CUX1: variants seen among roughly 807,000 people sequenced by gnomAD.
CUX1 encodes the protein protein CASP.
A neutral mutation model predicts 158.8 loss-of-function variants in CUX1; 31 were observed. The observed-to-expected ratio is 0.20, with a 90% CI of 0.15 to 0.26. The LOEUF is 0.26. Among genes scored for constraint, CUX1 ranks in the 10% least tolerant of loss-of-function variants. The pLI, the probability that CUX1 is intolerant of heterozygous loss-of-function variation, is 1.00. For synonymous variants in CUX1, 879 were observed against 862.1 expected (o/e 1.02, Z -0.34); for missense variants, 1,589 against 2,014.6 (o/e 0.79, Z 4.04).
intron 14 of CUX1, among the ~76,000 whole-genome samples, chr7:102,267,606 TC>T: frequency 6.6e-6 from 1 of 152,264 alleles, no homozygotes; most frequent in South Asian, 2.1e-4. Context: ...ACCGCTGGCC[TC>T]GCTATGATAA....
At chr7:102,085,402 G>A (rs1026186383) in intron 4 of CUX1, among the ~76,000 whole-genome samples, 3 of 152,142 alleles carry the variant, frequency 2.0e-5, no homozygotes, top group Admixed American at 6.5e-5. Flanking sequence ...CCCACATGTC[G>A]TGGGAGGGAC....
intron 1 of CUX1, among the ~76,000 whole-genome samples, chr7:101,897,139 A>G (rs1269557516): frequency 6.6e-6 from 1 of 152,226 alleles, no homozygotes; most frequent in Non-Finnish European, 1.5e-5. Flanking sequence ...CGAAGCAGGA[A>G]GTGTGTTTCA....
intron 2 of CUX1, among the ~76,000 whole-genome samples, chr7:101,936,350 G>T (rs568417566): frequency 2.6e-5 from 4 of 152,142 alleles, no homozygotes; most frequent in African/African-American, 7.2e-5. Context: ...TGTGACGGGG[G>T]TGGGGAGAAA....
chr7:102,092,935 AAGAAAG>A (rs1563230521), intron 4 of CUX1, among the ~76,000 whole-genome samples: 3 of 68,168 alleles, frequency 4.4e-5, no homozygotes, highest in African/African-American at 1.6e-4. Context: ...AAAAAAAAGA[AAGAAAG>A]AAAAGAAAAA....
At chr7:102,117,809 A>G (rs1831592898) in intron 8 of CUX1, among the ~76,000 whole-genome samples, 1 of 152,192 alleles carries the variant, frequency 6.6e-6, no homozygotes, top group Non-Finnish European at 1.5e-5. Context: ...TGTCTTGGGG[A>G]GGACCTGCCA....
Position 101,887,842 on chromosome 7 carries a change from C to CCTTTTTTTTTTTTTTTTTT in CUX1, c.31-28273_31-28272insCTTTTTTTTTTTTTTTTTT, listed in dbSNP as rs1562966470. On this transcript the variant is annotated intron_variant, in intron 1 of 23. Coordinates refer to ENST00000292535, the MANE Select transcript of CUX1 (RefSeq NM_181552.4). ...CCACTGGATCTGGTGATGACGGTGACATTTTTTTTTTTTTTTTTTTTTGTT... is the reference window on the plus strand; with the variant it reads ...CCACTGGATCTGGTGATGACGGTGACCTTTTTTTTTTTTTTTTTTATTTTTTTTTTTTTTTTTTTTTGTT... Among the ~76,000 whole-genome samples the CCTTTTTTTTTTTTTTTTTT allele has an allele frequency of 9.6e-5, 13 of 135,038 alleles. 1 individual carries two copies. Among genetic ancestry groups the CCTTTTTTTTTTTTTTTTTT allele is most frequent in the South Asian group, 2.4e-4 (1 of 4,184 alleles). 88.6% of individuals were successfully genotyped at this position (135,038 alleles called of 152,430 possible).
chr7:102,171,935 G>A lies in CUX1; in HGVS notation c.828+1385G>A, dbSNP rs150319411. On this transcript the variant is annotated intron_variant, in intron 10 of 23. Coordinates refer to ENST00000292535, the MANE Select transcript of CUX1 (RefSeq NM_181552.4). The stretch of plus-strand genomic sequence containing the variant: ...ACAGTGACTCCGTCAAGCCCTTGCC[G>A]TATGCTAGGGCTTGTAGTGGACACC... 2.3e-3 allele frequency among the ~76,000 whole-genome samples: 349 copies of A among 152,344 alleles called. 1 individual carries two copies. Among genetic ancestry groups the A allele is most frequent in the Non-Finnish European group, 4.1e-3 (281 of 68,030 alleles).
At chr7:102,178,927 C>T (rs1379688174) in intron 11 of CUX1, among the ~76,000 whole-genome samples, 1 of 152,198 alleles carries the variant, frequency 6.6e-6, no homozygotes, top group African/African-American at 2.4e-5. Context: ...CACGGTGGTG[C>T]AATCTCGGCT....
intron 8 of CUX1, among the ~76,000 whole-genome samples, chr7:102,140,353 C>A (rs1318399696): frequency 6.6e-6 from 1 of 152,142 alleles, no homozygotes; most frequent in Non-Finnish European, 1.5e-5. Context: ...TCAAGCAATT[C>A]TCCTGCCTCA....
At chr7:102,027,848 T>A (rs1189216011) in intron 2 of CUX1, among the ~76,000 whole-genome samples, 1 of 152,196 alleles carries the variant, frequency 6.6e-6, no homozygotes, top group East Asian at 1.9e-4. Flanking sequence ...GTCAACAGAA[T>A]GAGACTCTGT....
At chr7:101,856,406 T>C (rs1012112595) in intron 1 of CUX1, among the ~76,000 whole-genome samples, 9 of 152,276 alleles carry the variant, frequency 5.9e-5, no homozygotes, top group South Asian at 4.1e-4. Flanking sequence ...TCCAAGTTAG[T>C]GTTTTCCATT....
intron 13 of CUX1, 161 bp downstream of exon 13, chr7:102,194,051 CT>C (rs74812169): frequency 0.067 from 34,233 of 514,706 alleles, no homozygotes; most frequent in South Asian, 0.095. Context: ...AGCAAATTAT[CT>C]TTTTTTTTTT....
intron 1 of CUX1, among the ~76,000 whole-genome samples, chr7:101,858,383 T>C (rs538325029): frequency 6.6e-6 from 1 of 152,278 alleles, no homozygotes; most frequent in South Asian, 2.1e-4. Context: ...AGCTCACATG[T>C]CCCCTTCTCA....
At chr7:102,235,804 A>G (rs1443461672) in intron 22 of CUX1, among the ~76,000 whole-genome samples, 1 of 119,726 alleles carries the variant, frequency 8.4e-6, no homozygotes, top group South Asian at 3.1e-4. Context: ...ACACACGCGC[A>G]CACAACATCT....
At chr7:101,941,942 C>T (rs1011107506) in intron 2 of CUX1, among the ~76,000 whole-genome samples, 1 of 152,152 alleles carries the variant, frequency 6.6e-6, no homozygotes, top group Non-Finnish European at 1.5e-5. Context: ...CCCTCCCCCT[C>T]TCTCTGTCCC....
Position 101,927,862 on chromosome 7 carries a change from C to T in CUX1, c.141+11637C>T, listed in dbSNP as rs575944854. ...TCACTGGAAGTGGTCAGAGCTGTTGCGGGGCTTGGCCCAGGGGCGGCGGGT... is the reference window on the plus strand; with the variant it reads ...TCACTGGAAGTGGTCAGAGCTGTTGTGGGGCTTGGCCCAGGGGCGGCGGGT... On this transcript the variant is annotated intron_variant, in intron 2 of 23. Transcript: ENST00000292535. Among the ~76,000 whole-genome samples, 10 of 152,316 alleles carry T rather than the reference C, an allele frequency of 6.6e-5. No individual in the cohort carries two copies. The South Asian group carries it at 8.3e-4, about 13-fold the overall frequency.
intron 1 of CUX1, among the ~76,000 whole-genome samples, chr7:101,903,365 G>C (rs1448430827): frequency 2.0e-5 from 3 of 152,192 alleles, no homozygotes; most frequent in Non-Finnish European, 4.4e-5. Context: ...TAGGGGGCTG[G>C]CTGGGTCGGG....
chr7:102,052,440 A>G (rs1282400563), intron 3 of CUX1, among the ~76,000 whole-genome samples: 1 of 152,220 alleles, frequency 6.6e-6, no homozygotes, highest in Non-Finnish European at 1.5e-5. Context: ...ATATTCATCT[A>G]TGCTGTAGCA....
intron 2 of CUX1, among the ~76,000 whole-genome samples, chr7:102,009,600 T>G (rs1303100956): frequency 6.6e-6 from 1 of 152,234 alleles, no homozygotes; most frequent in East Asian, 1.9e-4. Context: ...ACCTGTAGCC[T>G]CTTTCTACAA....
Sources: gnomAD v4.1 joint callset for allele counts (sites outside exome capture counted in the v4.1 genomes callset) on GRCh38, gnomAD v4.1.1 for gene constraint, MANE v1.5 for transcripts, NCBI Gene and HGNC (gene_info 2026-07-23, HGNC 2026-07-21) for gene names.